Variants in NYAP2 observed in about 807,000 individuals in gnomAD.
NYAP2 encodes neuronal tyrosine-phosphorylated phosphoinositide-3-kinase adaptor 2, also known as neuronal tyrosine-phosphorylated phosphoinositide-3-kinase adapter 2.
A neutral mutation model predicts 50.4 loss-of-function variants in NYAP2; 23 were observed. The ratio of observed to expected loss-of-function variants is 0.46; its 90% CI spans 0.33 to 0.65. The LOEUF (loss-of-function observed/expected upper bound fraction) is 0.65. Among genes scored for constraint, NYAP2 ranks in the 30% least tolerant of loss-of-function variants. The pLI is 0.02. For synonymous variants in NYAP2, 394 were observed against 365.2 expected (o/e 1.08, Z -0.90); for missense variants, 885 against 861.0 (o/e 1.03, Z -0.35).
the NYAP2 span, among the ~76,000 whole-genome samples, chr2:225,669,687 A>G: frequency 6.6e-6 from 1 of 152,182 alleles, no homozygotes; most frequent in Non-Finnish European, 1.5e-5. Flanking sequence ...TGAATAACAA[A>G]AAAATCAAAA....
chr2:225,612,461 G>A (rs947007602), intron 5 of NYAP2, among the ~76,000 whole-genome samples: 3 of 151,968 alleles, frequency 2.0e-5, no homozygotes, highest in African/African-American at 4.8e-5. Flanking sequence ...TTACACAACC[G>A]TTGAGACCCT....
At chr2:225,482,595 C>T (rs556924059) in intron 3 of NYAP2, among the ~76,000 whole-genome samples, 32 of 152,240 alleles carry the variant, frequency 2.1e-4, no homozygotes, top group Admixed American at 1.9e-3. Flanking sequence ...CTGTTTACCC[C>T]TTTCTCATTC....
chr2:225,562,545 CA>C (rs1193703545), intron 4 of NYAP2, among the ~76,000 whole-genome samples: 1 of 152,034 alleles, frequency 6.6e-6, no homozygotes, highest in African/African-American at 2.4e-5. Context: ...AAGGTAACAC[CA>C]AAATTCCTAT....
At chr2:225,425,163 G>A (rs577090592) in intron 3 of NYAP2, among the ~76,000 whole-genome samples, 22 of 152,146 alleles carry the variant, frequency 1.4e-4, no homozygotes, top group African/African-American at 2.7e-4. Flanking sequence ...ATCTCCCACC[G>A]TTGAGTCCTT....
At chr2:225,424,114 T>A (rs941368135) in intron 3 of NYAP2, among the ~76,000 whole-genome samples, 1 of 152,170 alleles carries the variant, frequency 6.6e-6, no homozygotes, top group African/African-American at 2.4e-5. Context: ...ATCTAAACTT[T>A]GGTGAAAAAG....
chr2:225,581,629 T>C (rs913126386), intron 4 of NYAP2, among the ~76,000 whole-genome samples: 2 of 152,184 alleles, frequency 1.3e-5, no homozygotes, highest in Non-Finnish European at 2.9e-5. Flanking sequence ...ATGAGTATTT[T>C]ATCCAGTATG....
chr2:225,401,736 G>A (rs1694865792), intron 2 of NYAP2, among the ~76,000 whole-genome samples: 1 of 151,112 alleles, frequency 6.6e-6, no homozygotes, highest in Admixed American at 6.6e-5. Flanking sequence ...TTAAATACAA[G>A]ACATGTGAGT....
intron 3 of NYAP2, among the ~76,000 whole-genome samples, chr2:225,476,189 G>A (rs1268782930): frequency 6.6e-6 from 1 of 152,110 alleles, no homozygotes; most frequent in Admixed American, 6.5e-5. Context: ...CTAGGCGGGC[G>A]GATCACGAGG....
intron 4 of NYAP2, among the ~76,000 whole-genome samples, chr2:225,536,869 C>G (rs1691360445): frequency 6.6e-6 from 1 of 151,622 alleles, no homozygotes; most frequent in East Asian, 1.9e-4. Context: ...AGCTCCGCCT[C>G]CCGGGTTCAC....
the NYAP2 span, chr2:225,699,833 A>C: frequency 2.6e-5 from 4 of 151,892 alleles, no homozygotes; most frequent in Non-Finnish European, 5.9e-5. Flanking sequence ...AATCATATAT[A>C]TCTTTTAAGA....
intron 4 of NYAP2, among the ~76,000 whole-genome samples, chr2:225,559,349 CAAA>C (rs11300399): frequency 3.4e-5 from 5 of 145,738 alleles, no homozygotes; most frequent in Non-Finnish European, 6.1e-5. Flanking sequence ...GTACAAATGC[CAAA>C]AAAAAAAAAA....
intron 5 of NYAP2, among the ~76,000 whole-genome samples, chr2:225,588,888 A>T (rs1692438820): frequency 6.6e-6 from 1 of 152,218 alleles, no homozygotes; most frequent in Admixed American, 6.5e-5. Context: ...TTCTGCTGAG[A>T]TGTCTTCAGG....
intron 3 of NYAP2, among the ~76,000 whole-genome samples, chr2:225,496,221 C>T (rs1020903335): frequency 8.6e-5 from 13 of 151,988 alleles, no homozygotes; most frequent in African/African-American, 2.2e-4. Context: ...CACATACAGA[C>T]GCTTAAAACT....
chr2:225,450,198 G>A (rs1249484286), intron 3 of NYAP2, among the ~76,000 whole-genome samples: 3 of 152,204 alleles, frequency 2.0e-5, no homozygotes, highest in Admixed American at 6.5e-5. Context: ...AGAGTAGGGA[G>A]CAGCCTCATA....
the NYAP2 span, among the ~76,000 whole-genome samples, chr2:225,662,130 G>A: frequency 1.1e-3 from 160 of 152,324 alleles, no homozygotes; most frequent in African/African-American, 3.8e-3. Context: ...AGACTAAAAT[G>A]TCATAGCAGA....
the NYAP2 span, among the ~76,000 whole-genome samples, chr2:225,661,727 T>C: frequency 3.7e-5 from 1 of 26,962 alleles, no homozygotes; most frequent in Non-Finnish European, 1.6e-4. Context: ...TTGCTCTCTC[T>C]TTTTTTTTTT....
chr2:225,591,656 TG>T, intron 5 of NYAP2, among the ~76,000 whole-genome samples: 1 of 152,138 alleles, frequency 6.6e-6, no homozygotes, highest in Non-Finnish European at 1.5e-5. Context: ...TGGAAGAAAC[TG>T]AGGCACAACT....
rs1319207402 is a variant in NYAP2 at position 225,619,908 on chromosome 2, T to C, written c.1619-7009T>C. ...ACATCCATTTTTGTAATAAATTTAA[T>C]TCAAGTTCAGATTTCAATGTGAGAA... On this transcript the variant is annotated intron_variant, in intron 5 of 6. Transcript: ENST00000636099. 1.3e-5 allele frequency among the ~76,000 whole-genome samples: 2 copies of C among 152,240 alleles called. 1 individual carries two copies. The highest frequency in any genetic ancestry group is 2.9e-5 in the Non-Finnish European group (2 of 68,042).
In NYAP2 at chr2:225,530,699, A is replaced by G. The variant is rs935070428; in HGVS notation, c.523+17027A>G. Among the ~76,000 whole-genome samples the G allele has an allele frequency of 2.6e-5, 4 of 152,312 alleles. No homozygotes were observed. In the South Asian group the frequency reaches 8.3e-4, roughly 32 times the overall value. On this transcript the variant is annotated intron_variant, in intron 4 of 6. Coordinates refer to ENST00000636099, the Ensembl canonical transcript of NYAP2. ...ATTCCACATTATCTCCAGATGTCCC[A>G]ATCTTCACACATACATCTATCTGTA...
Sources: gnomAD v4.1 joint callset for allele counts (sites outside exome capture counted in the v4.1 genomes callset) on GRCh38, gnomAD v4.1.1 for gene constraint, MANE v1.5 for transcripts, NCBI Gene and HGNC (gene_info 2026-07-23, HGNC 2026-07-21) for gene names.